Variants in PIWIL1 observed in about 807,000 individuals in gnomAD.
PIWIL1 encodes the protein piwi like RNA-mediated gene silencing 1, also known as piwi-like protein 1.
In PIWIL1, 73 loss-of-function variants were observed where a neutral mutation model predicts 114.4. That is an observed-to-expected ratio of 0.64 (90% CI 0.53 to 0.78). The LOEUF is 0.78. Among genes scored for constraint, PIWIL1 ranks in the 30% least tolerant of loss-of-function variants. PIWIL1 has a pLI of 0.00. For synonymous variants in PIWIL1, 375 were observed against 369.0 expected (o/e 1.02, Z -0.19); for missense variants, 723 against 1,063.1 (o/e 0.68, Z 4.45).
At chr12:130,400,768 C>CA in the PIWIL1 span, among the ~76,000 whole-genome samples, 1 of 152,226 alleles carries the variant, frequency 6.6e-6, no homozygotes. Flanking sequence ...TAAAGAACAT[C>CA]AAAAAACCCA....
At chr12:130,414,028 C>T in the PIWIL1 span, 19 of 1,296,060 alleles carry the variant, frequency 1.5e-5, no homozygotes, top group Middle Eastern at 2.7e-4. Flanking sequence ...CAGGAGAAGG[C>T]CATCTCTAAG....
chr12:130,349,845 C>G lies in PIWIL1; in HGVS notation c.933-11C>G. 6.9e-7 allele frequency: 1 copy of G among 1,454,328 alleles called. No homozygotes were observed. Among genetic ancestry groups the G allele is most frequent in the Non-Finnish European group, 9.6e-7 (1 of 1,045,536 alleles). 90.1% of individuals were successfully genotyped at this position (1,454,328 alleles called of 1,614,324 possible). A position where few individuals can be genotyped will look rare whatever the true frequency, so the allele number is the denominator to read the frequency against. On this transcript the variant is annotated splice_polypyrimidine_tract_variant and intron_variant, in intron 8 of 20. Coordinates refer to ENST00000245255, the MANE Select transcript of PIWIL1 (RefSeq NM_004764.5). ...TCCATCAAATGCAGTCAAATCTCAACTGATCCCTAGGTATAACAATAAGAC... is the reference window on the plus strand; with the variant it reads ...TCCATCAAATGCAGTCAAATCTCAAGTGATCCCTAGGTATAACAATAAGAC...
the PIWIL1 span, among the ~76,000 whole-genome samples, chr12:130,393,928 T>TTTTGCA: frequency 2.6e-5 from 4 of 152,188 alleles, no homozygotes; most frequent in East Asian, 7.7e-4. Flanking sequence ...AGCAGAAAAA[T>TTTTGCA]TTTGCATTAT....
chr12:130,361,813 T>C (rs36010072), intron 16 of PIWIL1, among the ~76,000 whole-genome samples: 4,033 of 152,340 alleles, frequency 0.026, 64 homozygotes, highest in Middle Eastern at 0.051. Flanking sequence ...TTTTTAATCA[T>C]ATGTATTGGC....
chr12:130,399,210 A>G, the PIWIL1 span: 16 of 1,091,608 alleles, frequency 1.5e-5, no homozygotes, highest in Non-Finnish European at 1.8e-5. Flanking sequence ...ATATAAAAAT[A>G]TAATATAGAA....
At chr12:130,424,498 T>TC in the PIWIL1 span, 1 of 1,232,000 alleles carries the variant, frequency 8.1e-7, no homozygotes, top group Non-Finnish European at 1.0e-6. The surrounding 1 kb of genome is among the most constrained non-coding windows in gnomAD (Gnocchi z 9.8). Flanking sequence ...TCCTCTTCAC[T>TC]CCCACAGTCC....
the PIWIL1 span, among the ~76,000 whole-genome samples, chr12:130,384,179 A>C: frequency 1.8e-4 from 27 of 152,350 alleles, no homozygotes; most frequent in African/African-American, 6.3e-4. Flanking sequence ...TAAGCGAATG[A>C]AGACAGTAAC....
chr12:130,379,101 AT>A, the PIWIL1 span, among the ~76,000 whole-genome samples: 1,309 of 152,352 alleles, frequency 8.6e-3, 19 homozygotes, highest in African/African-American at 0.03. Context: ...TGTTTACTAA[AT>A]AATATTTGGA....
At chr12:130,397,326 T>A in the PIWIL1 span, 1 of 398,840 alleles carries the variant, frequency 2.5e-6, no homozygotes, top group African/African-American at 2.1e-5. Flanking sequence ...TAAAGAAAAT[T>A]ACATAGATTT....
chr12:130,355,818 G>C (rs970924852), intron 12 of PIWIL1, 151 bp downstream of exon 12: 73 of 638,558 alleles, frequency 1.1e-4, no homozygotes, highest in Non-Finnish European at 6.7e-5. Flanking sequence ...GCTTGGGTCA[G>C]ATCACAATAA....
chr12:130,409,522 T>C, the PIWIL1 span, among the ~76,000 whole-genome samples: 2 of 151,966 alleles, frequency 1.3e-5, no homozygotes, highest in African/African-American at 4.8e-5. Flanking sequence ...TTTTTGTATT[T>C]TTTTGTATAG....
the PIWIL1 span, among the ~76,000 whole-genome samples, chr12:130,390,546 T>C: frequency 1.7e-4 from 26 of 152,150 alleles, no homozygotes; most frequent in Non-Finnish European, 3.7e-4. Context: ...GCCACCTGTG[T>C]GTGTGTGGCA....
Position 130,345,736 on chromosome 12 carries a change from C to T in PIWIL1, c.191-17C>T, listed in dbSNP as rs1417834312. 6.2e-7 allele frequency: 1 copy of T among 1,613,234 alleles called. No individual in the cohort carries two copies. Among genetic ancestry groups the T allele is most frequent in the Admixed American group, 1.7e-5 (1 of 59,926 alleles). On this transcript the variant is annotated splice_polypyrimidine_tract_variant and intron_variant, in intron 3 of 20. Transcript: ENST00000245255. The stretch of plus-strand genomic sequence containing the variant: ...TTTCGTGCTTTATGTTGCTCAAGTA[C>T]ACAATTTTTTTTTAAGGACTCCAGA...
the PIWIL1 span, chr12:130,398,246 C>T: frequency 2.0e-5 from 3 of 152,214 alleles, no homozygotes. Flanking sequence ...ACGACTTCAC[C>T]TCGCTTCCCT....
chr12:130,339,261 GC>G (rs2072828241), intron 1 of PIWIL1, among the ~76,000 whole-genome samples: 1 of 152,154 alleles, frequency 6.6e-6, no homozygotes, highest in African/African-American at 2.4e-5. Flanking sequence ...GAAAGGGGCG[GC>G]GGGGCGGTGG....
At chr12:130,378,078 T>C in the PIWIL1 span, among the ~76,000 whole-genome samples, 1 of 152,250 alleles carries the variant, frequency 6.6e-6, no homozygotes, top group Non-Finnish European at 1.5e-5. Context: ...TGGACAAATG[T>C]CTATACCTCT....
the PIWIL1 span, among the ~76,000 whole-genome samples, chr12:130,405,564 C>T: frequency 6.6e-6 from 1 of 152,052 alleles, no homozygotes; most frequent in African/African-American, 2.4e-5. Flanking sequence ...GAGATAACCC[C>T]ACCCCATTCC....
At chr12:130,399,965 T>C in the PIWIL1 span, 34 of 809,704 alleles carry the variant, frequency 4.2e-5, no homozygotes, top group Non-Finnish European at 5.9e-5. Flanking sequence ...TAAATCAGGG[T>C]TTCCAAATTT....
chr12:130,399,742 G>C, the PIWIL1 span: 29 of 1,614,056 alleles, frequency 1.8e-5, no homozygotes, highest in Non-Finnish European at 2.2e-5. Flanking sequence ...CAGAAAGATA[G>C]ACTTCTACGT....
Sources: allele counts gnomAD v4.1 joint callset (sites outside exome capture counted in the v4.1 genomes callset), GRCh38; gene constraint gnomAD v4.1.1; non-coding constraint Gnocchi (gnomAD v3.1); transcripts MANE v1.5; gene names NCBI Gene and HGNC (gene_info 2026-07-23, HGNC 2026-07-21).